The following CYTH1 variants were observed in gnomAD, a reference collection of about 807,000 sequenced individuals.
CYTH1 encodes the protein cytohesin 1.
A neutral mutation model predicts 61.8 loss-of-function variants in CYTH1; 18 were observed. The observed-to-expected ratio is 0.29, with a 90% CI of 0.20 to 0.43. The LOEUF is 0.43. Among genes scored for constraint, CYTH1 ranks in the 20% least tolerant of loss-of-function variants. The pLI is 1.00. For missense variants in CYTH1, 336 were observed against 510.5 expected, an observed-to-expected ratio of 0.66 and a Z score of 3.29; for synonymous variants, 174 against 184.3, an observed-to-expected ratio of 0.94 and a Z score of 0.45.
intron 3 of CYTH1, 133 bp from the exon 4 acceptor site, chr17:78,702,737 G>A: frequency 1.0e-6 from 1 of 963,214 alleles, no homozygotes; most frequent in Admixed American, 2.3e-5. Context: ...TAATCTGGTG[G>A]AACTATGAAA....
chr17:78,702,029 C>G, intron 5 of CYTH1, 93 bp downstream of exon 5: 1 of 1,097,936 alleles, frequency 9.1e-7, no homozygotes, highest in South Asian at 1.4e-5. Flanking sequence ...AGGCAAAAAC[C>G]CCTCCAAGAA....
intron 11 of CYTH1, among the ~76,000 whole-genome samples, chr17:78,687,919 G>A (rs2092833067): frequency 6.6e-6 from 1 of 152,230 alleles, no homozygotes; most frequent in Non-Finnish European, 1.5e-5. Context: ...GGCCAGTGAT[G>A]TGCCTTTAGA....
intron 3 of CYTH1, among the ~76,000 whole-genome samples, chr17:78,705,859 C>T (rs150103421): frequency 5.9e-5 from 9 of 152,320 alleles, no homozygotes; most frequent in African/African-American, 1.9e-4. Flanking sequence ...TGGATGCACT[C>T]ACGTTCCTGG....
At chr17:78,736,774 G>GT in intron 1 of CYTH1, 1 of 362,850 alleles carries the variant, frequency 2.8e-6, no homozygotes, top group Middle Eastern at 3.9e-4. Flanking sequence ...CAGGAGAGCG[G>GT]TAACTTACTG....
chr17:78,736,557 C>T (rs1254851403), intron 1 of CYTH1: 1 of 206,196 alleles, frequency 4.8e-6, no homozygotes, highest in Non-Finnish European at 1.1e-5. Context: ...TAGGTTGGTC[C>T]TTAACTCCTC....
At chr17:78,713,049 T>C (rs1293972075) in intron 1 of CYTH1, among the ~76,000 whole-genome samples, 1 of 151,824 alleles carries the variant, frequency 6.6e-6, no homozygotes, top group African/African-American at 2.4e-5. Context: ...ACCCCAAATG[T>C]TTCTTCCCAG....
intron 1 of CYTH1, among the ~76,000 whole-genome samples, chr17:78,772,728 G>C (rs1205030825): frequency 9.9e-5 from 15 of 151,514 alleles, no homozygotes; most frequent in Admixed American, 8.6e-4. Flanking sequence ...ATTAGAGACA[G>C]AGTTTCACAA....
chr17:78,698,394 T>C lies in CYTH1; in HGVS notation c.700-14A>G, dbSNP rs746511771. The stretch of plus-strand genomic sequence containing the variant: ...CTCATAGAGATTCTGGGATAAAAGA[T>C]GACAATTTATGTCTCTGATTCTAGA... On this transcript the variant is annotated splice_polypyrimidine_tract_variant and intron_variant, in intron 8 of 13. Transcript: ENST00000446868. The C allele has an allele frequency of 2.6e-6, 4 of 1,558,116 alleles. No individual in the cohort carries two copies. The East Asian group carries it at 6.7e-5, about 26-fold the overall frequency.
chr17:78,739,996 C>T (rs1283260782), intron 1 of CYTH1, among the ~76,000 whole-genome samples: 10 of 152,032 alleles, frequency 6.6e-5, no homozygotes, highest in African/African-American at 1.9e-4. Context: ...AGCGCAGTGG[C>T]GCGATCTCGG....
intron 1 of CYTH1, among the ~76,000 whole-genome samples, chr17:78,722,999 C>T (rs942503457): frequency 5.9e-5 from 9 of 152,120 alleles, no homozygotes; most frequent in South Asian, 4.1e-4. Context: ...TTAGAAGAAA[C>T]GACACTGAAT....
At chr17:78,767,859 G>C (rs2093455427) in intron 1 of CYTH1, among the ~76,000 whole-genome samples, 1 of 152,186 alleles carries the variant, frequency 6.6e-6, no homozygotes, top group South Asian at 2.1e-4. Flanking sequence ...CCAGAATGCA[G>C]CTAAGATTCA....
At chr17:78,753,499 TAATAAATA>T (rs67579941) in intron 1 of CYTH1, among the ~76,000 whole-genome samples, 61,424 of 143,198 alleles carry the variant, frequency 0.43, 15,024 homozygotes, top group Non-Finnish European at 0.54. Context: ...TATCTCTACT[TAATAAATA>T]AATAAATAAA....
In CYTH1 at chr17:78,709,636, T is replaced by C. The variant is rs1270803206; in HGVS notation, c.105+14A>G. On this transcript the variant is annotated intron_variant, in intron 2 of 13. Coordinates refer to ENST00000446868, the MANE Select transcript of CYTH1 (RefSeq NM_004762.6). Reference sequence around the variant, plus strand: ...GGTTCTTACGTTGGTGAAACCACCATGCCACTCTCCTACCTGAATGTCAGC... The same window carrying C: ...GGTTCTTACGTTGGTGAAACCACCACGCCACTCTCCTACCTGAATGTCAGC... 1.2e-6 allele frequency: 2 copies of C among 1,613,998 alleles called. No homozygotes were observed. Among genetic ancestry groups the C allele is most frequent in the African/African-American group, 2.7e-5 (2 of 74,940 alleles).
chr17:78,776,419 G>A (rs2093491109), intron 1 of CYTH1, among the ~76,000 whole-genome samples: 1 of 152,036 alleles, frequency 6.6e-6, no homozygotes, highest in Non-Finnish European at 1.5e-5. Flanking sequence ...CACTTTGGGA[G>A]GCTGAGGCGG....
At chr17:78,683,666 A>C (rs981595907) in intron 11 of CYTH1, among the ~76,000 whole-genome samples, 1 of 152,226 alleles carries the variant, frequency 6.6e-6, no homozygotes, top group Non-Finnish European at 1.5e-5. Context: ...CTGGGCCTAG[A>C]GTCCCTCATC....
chr17:78,736,086 G>A (rs961656867), intron 1 of CYTH1, among the ~76,000 whole-genome samples: 3 of 152,106 alleles, frequency 2.0e-5, no homozygotes, highest in African/African-American at 7.2e-5. Context: ...ACAACCAAAG[G>A]GAGAAGACCA....
At chr17:78,770,931 C>A (rs141446470) in intron 1 of CYTH1, among the ~76,000 whole-genome samples, 1,759 of 152,110 alleles carry the variant, frequency 0.012, 33 homozygotes, top group African/African-American at 0.04. Flanking sequence ...GGTTCAAGAC[C>A]AGCATGGCCA....
At chr17:78,679,031 A>G (rs565228582) in intron 13 of CYTH1, among the ~76,000 whole-genome samples, 36 of 152,260 alleles carry the variant, frequency 2.4e-4, no homozygotes, top group Admixed American at 2.3e-3. Flanking sequence ...TCATCACATC[A>G]TCTCCATCTT....
intron 11 of CYTH1, among the ~76,000 whole-genome samples, chr17:78,684,696 G>C (rs1484277505): frequency 5.9e-5 from 9 of 152,156 alleles, no homozygotes; most frequent in African/African-American, 2.2e-4. Context: ...TGTGTGCAGA[G>C]AGATGGAGAA....
Sources: allele counts gnomAD v4.1 joint callset (sites outside exome capture counted in the v4.1 genomes callset), GRCh38; gene constraint gnomAD v4.1.1; transcripts MANE v1.5; gene names NCBI Gene and HGNC (gene_info 2026-07-23, HGNC 2026-07-21).